Variants in BRAF observed in about 807,000 individuals in gnomAD.
BRAF encodes serine/threonine-protein kinase B-raf.
A neutral mutation model predicts 104.6 loss-of-function variants in BRAF; 16 were observed. That is an observed-to-expected ratio of 0.15 (90% CI 0.10 to 0.23). The LOEUF (loss-of-function observed/expected upper bound fraction) is 0.23. Among genes scored for constraint, BRAF ranks in the 10% least tolerant of loss-of-function variants. BRAF has a pLI of 1.00. For synonymous variants in BRAF, 310 were observed against 341.6 expected, an observed-to-expected ratio of 0.91 and a Z score of 1.02; for missense variants, 541 against 937.3, an observed-to-expected ratio of 0.58 and a Z score of 5.52.
intron 1 of BRAF, among the ~76,000 whole-genome samples, chr7:140,853,574 T>C (rs1809435567): frequency 6.6e-6 from 1 of 152,196 alleles, no homozygotes; most frequent in Non-Finnish European, 1.5e-5. Flanking sequence ...GTGCAGGACT[T>C]GTGAATTTAC....
intron 17 of BRAF, chr7:140,748,953 T>A (rs1169519077): frequency 1.9e-5 from 5 of 263,382 alleles, no homozygotes; most frequent in Non-Finnish European, 3.7e-5. Flanking sequence ...GCACAATCTG[T>A]GATACAGTGA....
At chr7:140,737,185 A>G (rs1451349685) in intron 18 of BRAF, among the ~76,000 whole-genome samples, 2 of 152,196 alleles carry the variant, frequency 1.3e-5, no homozygotes, top group Admixed American at 1.3e-4. Context: ...ACATTCTTAT[A>G]TATATCTGAA....
intron 1 of BRAF, among the ~76,000 whole-genome samples, chr7:140,880,657 G>T (rs1812794386): frequency 6.6e-6 from 1 of 152,260 alleles, no homozygotes; most frequent in East Asian, 1.9e-4. Context: ...TAAATAAGAA[G>T]AATTGAAAGT....
chr7:140,754,304 C>T lies in BRAF; in HGVS notation c.1815-71G>A, dbSNP rs766921909. 386 of 1,348,008 alleles carry T rather than the reference C, an allele frequency of 2.9e-4. 1 individual carries two copies. The highest frequency in any genetic ancestry group is 4.0e-4 in the Non-Finnish European group (378 of 938,268). The allele number at this position is 1,348,008 out of a possible 1,614,324, so 83.5% of individuals were successfully genotyped here. Reference sequence around the variant, plus strand: ...CTGGCCTCGAAATCTACAGAACATACTTGGGGGTGTAAAGACTTATTTAGA... The same window carrying T: ...CTGGCCTCGAAATCTACAGAACATATTTGGGGGTGTAAAGACTTATTTAGA... On this transcript the variant is annotated intron_variant, in intron 14 of 19. Transcript: ENST00000644969.
At chr7:140,743,692 G>A (rs573945134) in intron 17 of BRAF, among the ~76,000 whole-genome samples, 1 of 151,322 alleles carries the variant, frequency 6.6e-6, no homozygotes, top group South Asian at 2.1e-4. Context: ...CCTGCACATT[G>A]TGTACATGTA....
intron 1 of BRAF, among the ~76,000 whole-genome samples, chr7:140,875,398 T>C (rs1405491825): frequency 6.6e-6 from 1 of 152,230 alleles, no homozygotes; most frequent in African/African-American, 2.4e-5. Context: ...TTTTTTGAGA[T>C]AGCATCTTGC....
intron 18 of BRAF, among the ~76,000 whole-genome samples, chr7:140,737,617 T>C (rs549086834): frequency 2.0e-5 from 3 of 152,352 alleles, no homozygotes; most frequent in Non-Finnish European, 2.9e-5. Context: ...TTTTTCTATA[T>C]AGAAGTTTAA....
At chr7:140,826,700 G>GT (rs1223303083) in intron 3 of BRAF, among the ~76,000 whole-genome samples, 2 of 152,160 alleles carry the variant, frequency 1.3e-5, no homozygotes, top group African/African-American at 4.8e-5. Flanking sequence ...TCAAAAAAGC[G>GT]TGGGTTTGCG....
chr7:140,906,304 C>T (rs975341528), intron 1 of BRAF, among the ~76,000 whole-genome samples: 3 of 151,832 alleles, frequency 2.0e-5, no homozygotes, highest in African/African-American at 7.3e-5. Context: ...TGGGCTCAAG[C>T]GATCCTCTCA....
At position 140,783,071 on chromosome 7, in the gene BRAF, G is replaced by A. The variant is rs1381121699; in HGVS notation, c.1384C>T (p.Pro462Ser). The change falls in exon 11 of 20, where the codon CCT becomes TCT. Residue 462 changes from proline (P) to serine (S), a missense_variant. Physicochemically the swap from Pro to Ser is moderately conservative, Grantham distance 74. This residue lies in a region of BRAF where 109 missense variants were observed against 143.9 expected (regional missense o/e 0.76). Coordinates refer to ENST00000644969, the MANE Select transcript of BRAF (RefSeq NM_001374258.1). Reference sequence around the variant, plus strand: ...GAAGATGACTTCCTTTCTCGCTGAGGTCCTGGAGATTTCTGTAAGGCTTTC... The same window carrying A: ...GAAGATGACTTCCTTTCTCGCTGAGATCCTGGAGATTTCTGTAAGGCTTTC... ...NVKALQKSPG[P>S]QRERKSSSSS... 1 of 1,614,028 alleles carries A rather than the reference G, an allele frequency of 6.2e-7. No homozygotes were observed.
intron 1 of BRAF, among the ~76,000 whole-genome samples, chr7:140,857,861 T>C (rs879173786): frequency 1.3e-5 from 2 of 151,580 alleles, no homozygotes; most frequent in East Asian, 1.9e-4. Context: ...AACAAACAAA[T>C]AAACAAAAAA....
At chr7:140,743,401 T>G (rs1299507606) in intron 17 of BRAF, among the ~76,000 whole-genome samples, 2 of 152,074 alleles carry the variant, frequency 1.3e-5, no homozygotes, top group Non-Finnish European at 2.9e-5. Context: ...CCATAAAAAA[T>G]GATGAGTTCA....
chr7:140,902,034 A>G (rs1815704125), intron 1 of BRAF, among the ~76,000 whole-genome samples: 1 of 152,250 alleles, frequency 6.6e-6, no homozygotes, highest in South Asian at 2.1e-4. Flanking sequence ...CTGTACAGGC[A>G]TGCTTCATCA....
At chr7:140,867,062 A>C (rs538414111) in intron 1 of BRAF, among the ~76,000 whole-genome samples, 10 of 152,238 alleles carry the variant, frequency 6.6e-5, no homozygotes, top group African/African-American at 1.9e-4. Context: ...TGTGCCATAT[A>C]CTCCAATAAC....
chr7:140,847,558 G>A (rs751439822), intron 2 of BRAF, among the ~76,000 whole-genome samples: 6 of 151,852 alleles, frequency 4.0e-5, no homozygotes, highest in Non-Finnish European at 5.9e-5. Flanking sequence ...ACTCCAGCCC[G>A]GGAGACAGCA....
Position 140,924,413 on chromosome 7 carries a change from A to G in BRAF, c.138+153T>C, listed in dbSNP as rs1360668659. Among the ~76,000 whole-genome samples the G allele has an allele frequency of 6.6e-6, 1 of 152,162 alleles. No individual in the cohort carries two copies. The highest frequency in any genetic ancestry group is 1.9e-4 in the East Asian group (1 of 5,168). On this transcript the variant is annotated intron_variant, in intron 1 of 19. Transcript: ENST00000644969. This position sits in a 1 kb window ranked among gnomAD's most constrained non-coding sequence, Gnocchi z 4.2. ...GGAAGGCGCTGCATGACGGAGAGGG[A>G]CACGGGGGCGATGCCCACCTCCCAG...
Position 140,720,863 on chromosome 7 carries a change from C to T in BRAF, c.*5631G>A, listed in dbSNP as rs1050659866. 1.9e-6 allele frequency: 2 copies of T among 1,065,926 alleles called. No individual in the cohort carries two copies. The highest frequency in any genetic ancestry group is 2.3e-6 in the Non-Finnish European group (2 of 879,842). The allele number at this position is 1,065,926 out of a possible 1,614,324, so 66.0% of individuals were successfully genotyped here. On this transcript the variant is annotated 3_prime_UTR_variant, in exon 20 of 20. Coordinates refer to ENST00000644969, the MANE Select transcript of BRAF (RefSeq NM_001374258.1). ...ACTTCATCAAAACCCCCAATCCCACCCGTCAACAGACCCTTCCTTTGCGGC... is the reference window on the plus strand; with the variant it reads ...ACTTCATCAAAACCCCCAATCCCACTCGTCAACAGACCCTTCCTTTGCGGC...
chr7:140,833,348 A>G (rs1562984644), intron 3 of BRAF, among the ~76,000 whole-genome samples: 1 of 152,200 alleles, frequency 6.6e-6, no homozygotes, highest in Non-Finnish European at 1.5e-5. Flanking sequence ...TGAAGAACAC[A>G]TTTCCTACTT....
chr7:140,771,124 C>T (rs1023728651), intron 14 of BRAF, among the ~76,000 whole-genome samples: 4 of 152,026 alleles, frequency 2.6e-5, no homozygotes, highest in Non-Finnish European at 4.4e-5. Context: ...GTTACCTATC[C>T]ATTTTTTGCT....
Sources: gnomAD v4.1 joint callset for allele counts (sites outside exome capture counted in the v4.1 genomes callset) on GRCh38, gnomAD v4.1.1 for gene constraint, gnomAD v4.1.1 regional missense constraint, Gnocchi (gnomAD v3.1) non-coding constraint, MANE v1.5 for transcripts, NCBI Gene and HGNC (gene_info 2026-07-23, HGNC 2026-07-21) for gene names.